The following XRCC4 variants were observed in gnomAD, a reference collection of about 807,000 sequenced individuals.
XRCC4 encodes DNA repair protein XRCC4.
In XRCC4, 28 loss-of-function variants were observed where a neutral mutation model predicts 39.1. The observed-to-expected ratio is 0.72, with a 90% CI of 0.53 to 0.98. The LOEUF is 0.98. Among genes scored for constraint, XRCC4 ranks in the 50% least tolerant of loss-of-function variants. The pLI is 0.00. For synonymous variants in XRCC4, 123 were observed against 126.4 expected, an observed-to-expected ratio of 0.97 and a Z score of 0.18; for missense variants, 350 against 376.4, an observed-to-expected ratio of 0.93 and a Z score of 0.58.
intron 7 of XRCC4, among the ~76,000 whole-genome samples, chr5:83,333,844 A>G (rs1299244962): frequency 6.7e-6 from 1 of 149,756 alleles, no homozygotes; most frequent in East Asian, 2.0e-4. Context: ...ATCTCAGCTC[A>G]CTGCAACCTC....
At chr5:83,110,286 G>T (rs536190019) in intron 2 of XRCC4, among the ~76,000 whole-genome samples, 1 of 152,028 alleles carries the variant, frequency 6.6e-6, no homozygotes, top group South Asian at 2.1e-4. Flanking sequence ...AAATGAAAGA[G>T]ATCTTAAAAT....
intron 3 of XRCC4, among the ~76,000 whole-genome samples, chr5:83,182,791 C>G (rs1210508576): frequency 6.6e-6 from 1 of 152,092 alleles, no homozygotes; most frequent in Non-Finnish European, 1.5e-5. Flanking sequence ...CTTTGTTTCT[C>G]CTGTCATCCT....
At chr5:83,295,245 A>G (rs2112986241) in intron 7 of XRCC4, among the ~76,000 whole-genome samples, 1 of 152,166 alleles carries the variant, frequency 6.6e-6, no homozygotes, top group East Asian at 1.9e-4. Flanking sequence ...CACTACCAGT[A>G]TGGAACATGT....
At chr5:83,130,744 A>G (rs1319982259) in intron 3 of XRCC4, among the ~76,000 whole-genome samples, 2 of 152,138 alleles carry the variant, frequency 1.3e-5, no homozygotes, top group Non-Finnish European at 2.9e-5. Context: ...TAGATTTTCT[A>G]GTTTATTTGC....
chr5:83,346,442 T>A (rs1473205477), intron 7 of XRCC4, among the ~76,000 whole-genome samples: 2 of 152,176 alleles, frequency 1.3e-5, no homozygotes, highest in African/African-American at 4.8e-5. Flanking sequence ...TATACCTGAA[T>A]GTTAAATATT....
chr5:83,151,276 A>G (rs972818904), intron 3 of XRCC4, among the ~76,000 whole-genome samples: 1 of 152,162 alleles, frequency 6.6e-6, no homozygotes, highest in Non-Finnish European at 1.5e-5. Flanking sequence ...AATAGTTTAT[A>G]GTCTCTGACA....
chr5:83,183,349 G>T (rs183111949), intron 3 of XRCC4, among the ~76,000 whole-genome samples: 18 of 150,712 alleles, frequency 1.2e-4, no homozygotes, highest in South Asian at 2.1e-4. Flanking sequence ...TAACTCTACG[G>T]TGTCAATTTT....
chr5:83,167,049 TTTTTC>T (rs2112605986), intron 3 of XRCC4, among the ~76,000 whole-genome samples: 1 of 151,810 alleles, frequency 6.6e-6, no homozygotes, highest in South Asian at 2.1e-4. Context: ...GCCTGGCTAA[TTTTTC>T]TATTTTTAGT....
intron 3 of XRCC4, among the ~76,000 whole-genome samples, chr5:83,122,923 T>C (rs537389098): frequency 6.6e-6 from 1 of 152,312 alleles, no homozygotes; most frequent in African/African-American, 2.4e-5. Context: ...TCCCTTTAAA[T>C]TTATTGGGAC....
chr5:83,350,819 C>T (rs1320035221), intron 7 of XRCC4, among the ~76,000 whole-genome samples: 1 of 152,052 alleles, frequency 6.6e-6, no homozygotes, highest in Non-Finnish European at 1.5e-5. Context: ...CTTTTGGGGA[C>T]TTGGCCAAAA....
intron 1 of XRCC4, among the ~76,000 whole-genome samples, chr5:83,087,500 TA>T (rs1289916188): frequency 6.9e-6 from 1 of 145,368 alleles, no homozygotes; most frequent in Non-Finnish European, 1.5e-5. Context: ...CCATCTCTAC[TA>T]AAAATACAAA....
intron 7 of XRCC4, among the ~76,000 whole-genome samples, chr5:83,349,917 C>G (rs963063374): frequency 6.6e-6 from 1 of 152,092 alleles, no homozygotes; most frequent in African/African-American, 2.4e-5. Context: ...CCCCTCCTTC[C>G]CTTCCCCATG....
chr5:83,305,563 C>A (rs188694912), intron 7 of XRCC4, among the ~76,000 whole-genome samples: 19 of 152,098 alleles, frequency 1.2e-4, no homozygotes, highest in African/African-American at 4.6e-4. Flanking sequence ...GAGGAATACC[C>A]TTTGGAAAAT....
At chr5:83,270,110 A>G (rs1210918841) in intron 7 of XRCC4, among the ~76,000 whole-genome samples, 2 of 152,146 alleles carry the variant, frequency 1.3e-5, no homozygotes, top group Non-Finnish European at 2.9e-5. Context: ...GATGCCTCGC[A>G]TGCACAGTTC....
intron 7 of XRCC4, among the ~76,000 whole-genome samples, chr5:83,289,896 T>C (rs372755735): frequency 9.9e-5 from 15 of 151,952 alleles, no homozygotes; most frequent in African/African-American, 3.1e-4. Context: ...AAGCTCTTTC[T>C]TGGATCTTTA....
At chr5:83,347,873 A>T (rs1756962889) in intron 7 of XRCC4, among the ~76,000 whole-genome samples, 1 of 152,206 alleles carries the variant, frequency 6.6e-6, no homozygotes, top group Non-Finnish European at 1.5e-5. Context: ...ATACAATGGG[A>T]TTACAAGCAT....
intron 3 of XRCC4, among the ~76,000 whole-genome samples, chr5:83,118,606 G>A (rs868509999): frequency 4.6e-5 from 7 of 152,174 alleles, no homozygotes; most frequent in Non-Finnish European, 7.3e-5. Context: ...CTTTAAGACA[G>A]TCACTCCCAA....
At chr5:83,127,122 A>T (rs558563949) in intron 3 of XRCC4, among the ~76,000 whole-genome samples, 9 of 152,104 alleles carry the variant, frequency 5.9e-5, no homozygotes, top group Non-Finnish European at 1.2e-4. Flanking sequence ...TGCTGAAATG[A>T]GTTAAGACTT....
At chr5:83,182,829 T>A (rs778387746) in intron 3 of XRCC4, among the ~76,000 whole-genome samples, 1 of 152,136 alleles carries the variant, frequency 6.6e-6, no homozygotes, top group African/African-American at 2.4e-5. Context: ...CGGTGCCCTC[T>A]GTGAGGAACA....
Sources: gnomAD v4.1 joint callset for allele counts (sites outside exome capture counted in the v4.1 genomes callset) on GRCh38, gnomAD v4.1.1 for gene constraint, MANE v1.5 for transcripts, NCBI Gene and HGNC (gene_info 2026-07-23, HGNC 2026-07-21) for gene names.